Variants in LOXHD1 observed in about 807,000 individuals in gnomAD.
The protein encoded by LOXHD1 is lipoxygenase homology PLAT domains 1, also known as lipoxygenase homology domain-containing protein 1.
In LOXHD1, 205 loss-of-function variants were observed where a neutral mutation model predicts 248.2. The observed-to-expected ratio is 0.83, with a 90% confidence interval of 0.74 to 0.93. The LOEUF (loss-of-function observed/expected upper bound fraction) is 0.93, where lower values mean the gene tolerates loss of function less well. LOXHD1 is among the 40% of genes least tolerant of loss of function. The pLI is 0.00. For synonymous variants in LOXHD1, 1,113 were observed against 1,162.8 expected (o/e 0.96, Z 0.87); for missense variants, 2,930 against 2,971.6 (o/e 0.99, Z 0.33).
chr18:46,512,822 T>C (rs375972801), intron 34 of LOXHD1, among the ~76,000 whole-genome samples: 3 of 152,218 alleles, frequency 2.0e-5, no homozygotes, highest in East Asian at 3.8e-4. Flanking sequence ...GATCTCTCTC[T>C]TCTCCAGGGT....
intron 28 of LOXHD1, among the ~76,000 whole-genome samples, chr18:46,531,463 T>C (rs182497274): frequency 6.6e-6 from 1 of 152,308 alleles, no homozygotes; most frequent in East Asian, 1.9e-4. Flanking sequence ...CTGCTCCACA[T>C]GTGAGCTAAT....
intron 4 of LOXHD1, among the ~76,000 whole-genome samples, chr18:46,628,541 ACAG>A (rs2038776939): frequency 1.3e-5 from 2 of 152,226 alleles, no homozygotes; most frequent in African/African-American, 4.8e-5. Flanking sequence ...GCTGGCTTTA[ACAG>A]CAGTCAAGGT....
intron 27 of LOXHD1, chr18:46,533,748 AC>A: frequency 3.1e-6 from 1 of 323,654 alleles, no homozygotes; most frequent in Admixed American, 3.9e-5. Flanking sequence ...ACATGGTGAA[AC>A]CCCATCTCTA....
At chr18:46,551,045 C>T (rs2037077486) in intron 21 of LOXHD1, among the ~76,000 whole-genome samples, 2 of 151,956 alleles carry the variant, frequency 1.3e-5, no homozygotes, top group South Asian at 4.2e-4. Flanking sequence ...GGGGGTAAAC[C>T]TTTCTCATCC....
chr18:46,539,051 G>T (rs1239209915), intron 25 of LOXHD1, among the ~76,000 whole-genome samples: 6 of 152,212 alleles, frequency 3.9e-5, no homozygotes, highest in Admixed American at 2.0e-4. Context: ...ACAAATCAGT[G>T]CTGTTAGCAA....
In LOXHD1 at chr18:46,489,112, A is replaced by T. The variant is rs982069910; in HGVS notation, c.5909T>A (p.Val1970Asp). ...GIFPGWHLSYVDVKDNSRDET... is the reference protein window; with the variant it reads ...GIFPGWHLSYDDVKDNSRDET... ...GTCGCGGGAGTTGTCCTTCACATCG[A>T]CATAGCTCAGATGCCAGCCAGGAAA... The change falls in exon 38 of 41, where the codon GTC becomes GAC. Residue 1970 changes from valine to aspartate, a missense_variant. Transcript: ENST00000642948. 5.2e-6 allele frequency: 8 copies of T among 1,551,564 alleles called. No homozygotes were observed. Among genetic ancestry groups the T allele is most frequent in the Non-Finnish European group, 7.0e-6 (8 of 1,147,004 alleles).
chr18:46,524,860 G>A lies in LOXHD1; in HGVS notation c.4588C>T (p.Arg1530Cys), dbSNP rs1401025456. 7.7e-6 allele frequency: 12 copies of A among 1,551,762 alleles called. No individual in the cohort carries two copies. The highest frequency in any genetic ancestry group is 4.9e-5 in the East Asian group (2 of 40,918). ...GCGCACCACTTGGAGTTGTCATGGC[G>A]GAGCTTGATCTTGTAGATGACGCCT... is the stretch of plus-strand genomic sequence containing the variant. Reference protein sequence around the residue: ...DLGVIYKIKLRHDNSKWCADW... With the variant: ...DLGVIYKIKLCHDNSKWCADW... Residue 1530 changes from arginine (R) to cysteine (C), a missense_variant, in exon 30 of 41, where the codon CGC (arginine) becomes TGC (cysteine). Arg to Cys is a radical substitution (Grantham distance 180, BLOSUM62 -3). Coordinates refer to ENST00000642948, the MANE Select transcript of LOXHD1 (RefSeq NM_001384474.1).
chr18:46,521,158 T>C lies in LOXHD1; in HGVS notation c.5210A>G (p.Asp1737Gly). Residue 1737 changes from aspartate to glycine, a missense_variant, in exon 33 of 41, where the codon GAC (aspartate) becomes GGC (glycine). Physicochemically the swap from Asp to Gly is moderately conservative, Grantham distance 94. Transcript: ENST00000642948. Reference sequence around the variant, plus strand: ...GTCGAAGACACGGGAGGTGATGCCGTCGCCTCTGTCCTTGGCCAGCCAGCA... The same window carrying C: ...GTCGAAGACACGGGAGGTGATGCCGCCGCCTCTGTCCTTGGCCAGCCAGCA... ...CNCWLAKDRG[D>G]GITSRVFDLL... The C allele has an allele frequency of 6.4e-7, 1 of 1,551,690 alleles. No individual in the cohort carries two copies. Among genetic ancestry groups the C allele is most frequent in the Non-Finnish European group, 8.7e-7 (1 of 1,147,006 alleles).
rs918869131 is a variant in LOXHD1, at chr18:46,596,493, G to A, written c.1135-2027C>T. On this transcript the variant is annotated intron_variant, in intron 8 of 40. Transcript: ENST00000642948. ...TGAGGATGCAGGAAACTAGGCCATG[G>A]GCTTTACAAAATGGAGATTCCAAAC... Among the ~76,000 whole-genome samples the A allele has an allele frequency of 9.9e-5, 15 of 152,234 alleles. No homozygotes were observed. The Middle Eastern group carries it at 0.014, about 138-fold the overall frequency.
intron 4 of LOXHD1, among the ~76,000 whole-genome samples, chr18:46,631,319 C>T (rs115220653): frequency 1.8e-4 from 27 of 152,272 alleles, no homozygotes; most frequent in African/African-American, 6.5e-4. Flanking sequence ...ACCCCCCCAC[C>T]ACCATCAGTC....
chr18:46,644,793 G>A (rs1943080), intron 2 of LOXHD1, among the ~76,000 whole-genome samples: 10 of 152,178 alleles, frequency 6.6e-5, no homozygotes, highest in South Asian at 2.1e-4. Context: ...GAATACATAC[G>A]TTCCAAAGCA....
intron 21 of LOXHD1, chr18:46,555,401 T>C (rs564840620): frequency 3.5e-6 from 1 of 285,694 alleles, no homozygotes; most frequent in South Asian, 3.5e-5. Flanking sequence ...ACGGTCTTTA[T>C]GTGGTTTCAC....
rs1405166263 is a variant in LOXHD1, at chr18:46,524,725, T to C, written c.4723A>G (p.Arg1575Gly). 1 of 1,551,692 alleles carries C rather than the reference T, an allele frequency of 6.4e-7. No homozygotes were observed. Among genetic ancestry groups the C allele is most frequent in the African/African-American group, 1.4e-5 (1 of 73,146 alleles). ...SLKKEDGRLE[R>G]LFYEKEYTGD... ...TGGCTCACCTTCTCGTAAAAGAGCC[T>C]CTCGAGTCGCCCATCCTCCTTCTTC... The change falls in exon 30 of 41, where the codon AGG becomes GGG. Residue 1575 changes from arginine to glycine, a missense_variant. By Grantham distance (125) the Arg-to-Gly change is moderately radical (BLOSUM62 -2). Coordinates refer to ENST00000642948, the MANE Select transcript of LOXHD1 (RefSeq NM_001384474.1).
intron 37 of LOXHD1, among the ~76,000 whole-genome samples, chr18:46,493,791 G>A (rs1281539811): frequency 6.6e-6 from 1 of 152,210 alleles, no homozygotes; most frequent in Non-Finnish European, 1.5e-5. Context: ...AGTTTAACAT[G>A]CCATCTCTGC....
At chr18:46,565,121 G>A (rs1439438574) in intron 17 of LOXHD1, among the ~76,000 whole-genome samples, 8 of 152,172 alleles carry the variant, frequency 5.3e-5, no homozygotes, top group African/African-American at 1.4e-4. Context: ...AAAATTAGCC[G>A]GGTGTGGGGG....
At position 46,533,307 on chromosome 18, in the gene LOXHD1, A is replaced by G. The variant is rs567537074; in HGVS notation, c.4230T>C (p.Thr1410=). 1 of 1,551,856 alleles carries G rather than the reference A, an allele frequency of 6.4e-7. No individual in the cohort carries two copies. The highest frequency in any genetic ancestry group is 8.7e-7 in the Non-Finnish European group (1 of 1,147,022). The change falls in exon 28 of 41, where the codon ACT becomes ACC. Residue 1410 remains threonine (T), a synonymous_variant. Coordinates refer to ENST00000642948, the MANE Select transcript of LOXHD1 (RefSeq NM_001384474.1). ...LPDKDGAETL[T]FPCDRWLATS... ...TGGCAAGCCACCGATCGCATGGGAA[A>G]GTCAAGGTCTCTGCACCCTGGGGTG...
chr18:46,526,033 G>A (rs1171867277), intron 29 of LOXHD1, among the ~76,000 whole-genome samples: 1 of 152,144 alleles, frequency 6.6e-6, no homozygotes, highest in Non-Finnish European at 1.5e-5. Flanking sequence ...CATGGCCAAG[G>A]CAGCTGCAGG....
At chr18:46,522,058 T>C (rs930635171) in intron 32 of LOXHD1, 43 bp downstream of exon 32, 2 of 1,440,658 alleles carry the variant, frequency 1.4e-6, no homozygotes, top group Admixed American at 2.0e-5. Context: ...GCTCTGTCTA[T>C]CCCTAGGGTG....
intron 36 of LOXHD1, 76 bp downstream of exon 36, chr18:46,507,462 A>G: frequency 6.6e-7 from 1 of 1,517,078 alleles, no homozygotes; most frequent in Non-Finnish European, 8.9e-7. Flanking sequence ...TGCCCTGACC[A>G]GAAACAAGGG....
Sources: allele counts gnomAD v4.1 joint callset (sites outside exome capture counted in the v4.1 genomes callset), GRCh38; gene constraint gnomAD v4.1.1; transcripts MANE v1.5; gene names NCBI Gene and HGNC (gene_info 2026-07-23, HGNC 2026-07-21).